Variants in NT5DC1 observed in about 807,000 individuals in gnomAD.
NT5DC1 encodes the protein 5'-nucleotidase domain containing 1, also known as 5'-nucleotidase domain-containing protein 1.
NT5DC1 carries 42 observed loss-of-function variants against 59.4 expected under a neutral mutation model. The ratio of observed to expected loss-of-function variants is 0.71; its 90% CI spans 0.55 to 0.92. NT5DC1 has a LOEUF of 0.92. NT5DC1 is among the 40% of genes least tolerant of loss of function. The pLI, the probability that NT5DC1 is intolerant of heterozygous loss-of-function variation, is 0.00. For missense variants in NT5DC1, 501 were observed against 537.1 expected (o/e 0.93, Z 0.66); for synonymous variants, 172 against 188.1 (o/e 0.91, Z 0.70).
At chr6:116,182,376 A>G (rs1780903221) in intron 6 of NT5DC1, among the ~76,000 whole-genome samples, 1 of 151,892 alleles carries the variant, frequency 6.6e-6, no homozygotes, top group Non-Finnish European at 1.5e-5. Flanking sequence ...TTGTATAATG[A>G]CTTCTTTTCC....
chr6:116,241,944 CAAAAAAAAAA>C (rs1173659223), intron 11 of NT5DC1, among the ~76,000 whole-genome samples: 2 of 34,416 alleles, frequency 5.8e-5, no homozygotes, highest in Non-Finnish European at 8.9e-5. Flanking sequence ...AAAAACAAAA[CAAAAAAAAAA>C]AAAAACAAAG....
At chr6:116,239,164 A>T in intron 11 of NT5DC1, 41 bp downstream of exon 11, 2 of 1,356,780 alleles carry the variant, frequency 1.5e-6, no homozygotes, top group Non-Finnish European at 2.1e-6. Context: ...CTGTTACTAG[A>T]CAATAATGAC....
At chr6:116,116,940 G>T (rs1778975906) in intron 5 of NT5DC1, among the ~76,000 whole-genome samples, 1 of 152,064 alleles carries the variant, frequency 6.6e-6, no homozygotes, top group Admixed American at 6.6e-5. Flanking sequence ...GGATCATAGG[G>T]TTGTATATTT....
At chr6:116,135,607 G>A (rs1779570730) in intron 6 of NT5DC1, among the ~76,000 whole-genome samples, 1 of 151,146 alleles carries the variant, frequency 6.6e-6, no homozygotes, top group South Asian at 2.1e-4. Flanking sequence ...TTTTGCACGA[G>A]CTATATTTAA....
At chr6:116,115,625 T>G in intron 4 of NT5DC1, 66 bp from the exon 5 acceptor site, 1 of 782,944 alleles carries the variant, frequency 1.3e-6, no homozygotes, top group Non-Finnish European at 2.3e-6. Context: ...TTCAGCCATA[T>G]TCCTGTGTAT....
chr6:116,126,344 TA>T (rs1474752286), intron 6 of NT5DC1, among the ~76,000 whole-genome samples: 1 of 152,170 alleles, frequency 6.6e-6, no homozygotes, highest in Non-Finnish European at 1.5e-5. Context: ...TTAATAGTTT[TA>T]ACCAAGGACC....
chr6:116,142,732 T>A (rs1779798183), intron 6 of NT5DC1, among the ~76,000 whole-genome samples: 1 of 152,114 alleles, frequency 6.6e-6, no homozygotes, highest in Admixed American at 6.5e-5. Flanking sequence ...CCTTGAAAAA[T>A]AGAATTTGGG....
At position 116,246,053 on chromosome 6, in the gene NT5DC1, ATTC is replaced by A. The variant is rs1310828640; in HGVS notation, c.*2032_*2034del. On this transcript the variant is annotated 3_prime_UTR_variant, in exon 12 of 12. Coordinates refer to ENST00000319550, the MANE Select transcript of NT5DC1 (RefSeq NM_152729.3). ...TTAGGCTTTTTAAATTTGTATTTTC[ATTC>A]TTTGTAAAGAGTGCCAATGGATATG... is the stretch of plus-strand genomic sequence containing the variant. 3 of 152,116 alleles carry A rather than the reference ATTC, an allele frequency of 2.0e-5. No individual in the cohort carries two copies. The East Asian group carries it at 5.8e-4, about 29-fold the overall frequency. 9.4% of individuals were successfully genotyped at this position (152,116 alleles called of 1,614,324 possible).
chr6:116,244,088 A>C lies in NT5DC1; in HGVS notation c.*64A>C. On this transcript the variant is annotated 3_prime_UTR_variant, in exon 12 of 12. Transcript: ENST00000319550. ...GCAGTTAAAAAAAAGTTAATTTTCA[A>C]AAAATACTGTAAAAGACTTTAAGGA... 1.6e-6 allele frequency: 1 copy of C among 622,118 alleles called. No individual in the cohort carries two copies. The highest frequency in any genetic ancestry group is 2.3e-5 in the South Asian group (1 of 42,568). The allele number at this position is 622,118 out of a possible 1,614,324, so 38.5% of individuals were successfully genotyped here.
chr6:116,165,943 C>T (rs975331079), intron 6 of NT5DC1, among the ~76,000 whole-genome samples: 3 of 152,204 alleles, frequency 2.0e-5, no homozygotes, highest in South Asian at 4.1e-4. Flanking sequence ...GTCCTCTCAG[C>T]TCAGGCTTGA....
At chr6:116,161,324 T>G (rs1261564850) in intron 6 of NT5DC1, among the ~76,000 whole-genome samples, 1 of 151,932 alleles carries the variant, frequency 6.6e-6, no homozygotes, top group African/African-American at 2.4e-5. Context: ...ACATGTACCC[T>G]AAAACTTAAA....
In NT5DC1 at chr6:116,110,740, C is replaced by A. The variant is rs74696603; in HGVS notation, c.258-110C>A. ...CACCCAGTTGAAAACAGAAAAAATA[C>A]ATATGTTTTTGTTAGCTCCAGTGGC... is the stretch of plus-strand genomic sequence containing the variant. On this transcript the variant is annotated intron_variant, in intron 3 of 11. Transcript: ENST00000319550. 6.3e-3 allele frequency: 5,224 copies of A among 831,750 alleles called. 42 individuals are homozygous for A. Among genetic ancestry groups the A allele is most frequent in the Non-Finnish European group, 8.5e-3 (4,061 of 478,646 alleles). 51.5% of individuals were successfully genotyped at this position (831,750 alleles called of 1,614,324 possible). A position where few individuals can be genotyped will look rare whatever the true frequency, so the allele number is the denominator to read the frequency against.
chr6:116,200,006 G>GGT (rs1471348187), intron 6 of NT5DC1, among the ~76,000 whole-genome samples: 1 of 150,160 alleles, frequency 6.7e-6, no homozygotes, highest in African/African-American at 2.5e-5. Context: ...AAGTGGGGGG[G>GGT]GAAGAGTAAC....
intron 6 of NT5DC1, among the ~76,000 whole-genome samples, chr6:116,118,473 T>C (rs1333655921): frequency 6.6e-6 from 1 of 152,214 alleles, no homozygotes; most frequent in Admixed American, 6.5e-5. Flanking sequence ...GCCTTTATAG[T>C]ATGTTACCTC....
intron 6 of NT5DC1, among the ~76,000 whole-genome samples, chr6:116,176,238 A>C (rs1395378085): frequency 2.6e-5 from 4 of 152,168 alleles, no homozygotes; most frequent in Admixed American, 2.6e-4. Context: ...CCTCAGGATT[A>C]CTGCTCCAGC....
At chr6:116,103,720 A>G (rs1778709001) in intron 1 of NT5DC1, among the ~76,000 whole-genome samples, 1 of 152,068 alleles carries the variant, frequency 6.6e-6, no homozygotes, top group Admixed American at 6.6e-5. Context: ...AGTTGTGCAA[A>G]CACAGAACTG....
At chr6:116,121,754 C>T in intron 6 of NT5DC1, 1 of 1,613,880 alleles carries the variant, frequency 6.2e-7, no homozygotes, top group Non-Finnish European at 8.5e-7. Flanking sequence ...TCCATATGGT[C>T]CTCTCTCTCC....
intron 6 of NT5DC1, among the ~76,000 whole-genome samples, chr6:116,190,912 T>A (rs1781102414): frequency 6.6e-6 from 1 of 151,928 alleles, no homozygotes; most frequent in Non-Finnish European, 1.5e-5. Flanking sequence ...TTACCCCTGT[T>A]TATAAGGATG....
intron 6 of NT5DC1, among the ~76,000 whole-genome samples, chr6:116,197,243 G>A (rs997880035): frequency 1.3e-5 from 2 of 151,906 alleles, no homozygotes; most frequent in African/African-American, 4.8e-5. Flanking sequence ...TAATGATGTC[G>A]ATGTCAGCTT....
Sources: gnomAD v4.1 joint callset for allele counts (sites outside exome capture counted in the v4.1 genomes callset) on GRCh38, gnomAD v4.1.1 for gene constraint, MANE v1.5 for transcripts, NCBI Gene and HGNC (gene_info 2026-07-23, HGNC 2026-07-21) for gene names.